Variants in RHOT1 observed in about 807,000 individuals in gnomAD.
The protein encoded by RHOT1 is mitochondrial Rho GTPase 1.
RHOT1 carries 27 observed loss-of-function variants against 95.3 expected under a neutral mutation model. The observed-to-expected ratio is 0.28, with a 90% CI of 0.21 to 0.39. The LOEUF (loss-of-function observed/expected upper bound fraction) is 0.39, where lower values mean the gene tolerates loss of function less well. RHOT1 is among the 10% of genes least tolerant of loss of function. The pLI, the probability that RHOT1 is intolerant of heterozygous loss-of-function variation, is 1.00. For missense variants in RHOT1, 578 were observed against 786.7 expected, an observed-to-expected ratio of 0.73 and a Z score of 3.17; for synonymous variants, 227 against 263.5, an observed-to-expected ratio of 0.86 and a Z score of 1.34.
chr17:32,157,026 A>T (rs1470168869), intron 1 of RHOT1, among the ~76,000 whole-genome samples: 1 of 152,210 alleles, frequency 6.6e-6, no homozygotes, highest in East Asian at 1.9e-4. Flanking sequence ...TGGAACTAAG[A>T]TTTCAGCCCA....
intron 8 of RHOT1, among the ~76,000 whole-genome samples, chr17:32,191,732 G>A (rs2036505298): frequency 6.6e-6 from 1 of 152,146 alleles, no homozygotes; most frequent in South Asian, 2.1e-4. Flanking sequence ...TTGTGAATAA[G>A]CGTATTTTAT....
At chr17:32,214,803 A>G (rs748628545) in intron 19 of RHOT1, among the ~76,000 whole-genome samples, 2 of 151,726 alleles carry the variant, frequency 1.3e-5, no homozygotes, top group Non-Finnish European at 2.9e-5. Flanking sequence ...CTCACCTAAC[A>G]CTAGGTCCTA....
chr17:32,180,910 C>T (rs2035586021), intron 6 of RHOT1, among the ~76,000 whole-genome samples: 1 of 152,172 alleles, frequency 6.6e-6, no homozygotes, highest in Non-Finnish European at 1.5e-5. Flanking sequence ...GTTTTGAGCT[C>T]CTGGTCTCAA....
At chr17:32,196,034 A>G (rs754376422) in intron 11 of RHOT1, among the ~76,000 whole-genome samples, 1 of 151,672 alleles carries the variant, frequency 6.6e-6, no homozygotes, top group Non-Finnish European at 1.5e-5. Flanking sequence ...CTGCAAAATA[A>G]CTCCCTGGAG....
At chr17:32,178,208 C>T (rs550319153) in intron 6 of RHOT1, among the ~76,000 whole-genome samples, 1 of 149,728 alleles carries the variant, frequency 6.7e-6, no homozygotes, top group Non-Finnish European at 1.5e-5. Context: ...TGCCCTCCCC[C>T]CCCCCAGTGA....
intron 11 of RHOT1, among the ~76,000 whole-genome samples, chr17:32,198,020 C>T (rs1429026054): frequency 6.6e-6 from 1 of 152,106 alleles, no homozygotes; most frequent in Non-Finnish European, 1.5e-5. Context: ...TCAGCCTACC[C>T]AGTAGCTGGG....
rs575741921 is a variant in RHOT1 at position 32,164,719 on chromosome 17, G to A, written c.38-6324G>A. Among the ~76,000 whole-genome samples, 18 of 132,336 alleles carry A rather than the reference G, an allele frequency of 1.4e-4. No individual in the cohort carries two copies. The East Asian group carries it at 3.3e-3, about 24-fold the overall frequency. The allele number at this position is 132,336 out of a possible 152,430, so 86.8% of individuals were successfully genotyped here. On this transcript the variant is annotated intron_variant, in intron 1 of 19. Transcript: ENST00000545287. ...TCTCTACTAAAAATACAAAAAATTAGCCAGGTATATAGTAGTGCACACCTG... is the reference window on the plus strand; with the variant it reads ...TCTCTACTAAAAATACAAAAAATTAACCAGGTATATAGTAGTGCACACCTG...
intron 6 of RHOT1, 34 bp from the exon 7 acceptor site, chr17:32,182,723 C>T (rs775530417): frequency 6.7e-6 from 8 of 1,195,140 alleles, no homozygotes; most frequent in Middle Eastern, 3.9e-4. Flanking sequence ...ATGTCTTTTG[C>T]CTTCCTTATT....
At chr17:32,219,606 C>T (rs2038701986) in intron 19 of RHOT1, among the ~76,000 whole-genome samples, 1 of 152,174 alleles carries the variant, frequency 6.6e-6, no homozygotes, top group South Asian at 2.1e-4. Flanking sequence ...CTGAATTTTG[C>T]AACATTTTCT....
chr17:32,153,814 G>A (rs1024150209), intron 1 of RHOT1, among the ~76,000 whole-genome samples: 11 of 152,206 alleles, frequency 7.2e-5, no homozygotes, highest in Non-Finnish European at 1.5e-4. Flanking sequence ...AGAGGTCTTA[G>A]AAATTATATA....
intron 14 of RHOT1, 37 bp downstream of exon 14, chr17:32,201,093 A>T: frequency 2.3e-6 from 3 of 1,280,596 alleles, no homozygotes; most frequent in Non-Finnish European, 3.3e-6. Context: ...ATGATTAGAG[A>T]TATTTTTTAA....
rs142624060 is a variant in RHOT1, at chr17:32,157,709, G to A, written c.38-13334G>A. On this transcript the variant is annotated intron_variant, in intron 1 of 19. Coordinates refer to ENST00000545287, the MANE Select transcript of RHOT1 (RefSeq NM_001033566.3). Reference sequence around the variant, plus strand: ...ATCCCAGCTACTCAGAAGGCTGAGAGACAGGAGAATCAGCTTGAACCCAGG... The same window carrying A: ...ATCCCAGCTACTCAGAAGGCTGAGAAACAGGAGAATCAGCTTGAACCCAGG... Among the ~76,000 whole-genome samples the A allele has an allele frequency of 4.3e-4, 66 of 152,048 alleles. No individual in the cohort carries two copies. The East Asian group carries it at 0.012, about 27-fold the overall frequency.
chr17:32,174,918 A>C (rs1025373343), intron 3 of RHOT1, among the ~76,000 whole-genome samples: 1 of 152,174 alleles, frequency 6.6e-6, no homozygotes, highest in Non-Finnish European at 1.5e-5. Context: ...CCCACCTGCT[A>C]TCTAGATCTT....
chr17:32,171,462 C>T (rs1288692419), intron 2 of RHOT1, among the ~76,000 whole-genome samples: 1 of 152,198 alleles, frequency 6.6e-6, no homozygotes, highest in Non-Finnish European at 1.5e-5. Context: ...AATAACCAGC[C>T]TGTGTCTAAG....
intron 19 of RHOT1, among the ~76,000 whole-genome samples, chr17:32,218,931 C>T (rs1478722453): frequency 6.6e-6 from 1 of 152,026 alleles, no homozygotes. Context: ...TATCTCTGTG[C>T]CCTGGTAACT....
At chr17:32,192,329 T>A in intron 9 of RHOT1, 30 bp downstream of exon 9, 2 of 1,048,720 alleles carry the variant, frequency 1.9e-6, no homozygotes, top group Non-Finnish European at 2.8e-6. Context: ...GACATTTGCG[T>A]ATCTTTTTTT....
chr17:32,150,477 G>T, intron 1 of RHOT1: 1 of 998,294 alleles, frequency 1.0e-6, no homozygotes, highest in Non-Finnish European at 1.5e-6. Context: ...GGAATTCCAG[G>T]CTGTCTGTTA....
intron 18 of RHOT1, among the ~76,000 whole-genome samples, chr17:32,210,838 A>G (rs1303895171): frequency 6.6e-6 from 1 of 152,152 alleles, no homozygotes; most frequent in African/African-American, 2.4e-5. Flanking sequence ...ACAAAAATTC[A>G]TGTAATAATA....
intron 1 of RHOT1, among the ~76,000 whole-genome samples, chr17:32,160,982 C>T (rs891198814): frequency 6.6e-6 from 1 of 152,216 alleles, no homozygotes; most frequent in African/African-American, 2.4e-5. Context: ...GATCCCGTAA[C>T]ACTGACACCA....
Sources: allele counts gnomAD v4.1 joint callset (sites outside exome capture counted in the v4.1 genomes callset), GRCh38; gene constraint gnomAD v4.1.1; transcripts MANE v1.5; gene names NCBI Gene and HGNC (gene_info 2026-07-23, HGNC 2026-07-21).